COMMD10: variants seen among roughly 807,000 people sequenced by gnomAD.
The protein encoded by COMMD10 is COMM domain-containing protein 10.
COMMD10 carries 33 observed loss-of-function variants against 28.9 expected under a neutral mutation model. That is an observed-to-expected ratio of 1.14 (90% CI 0.87 to 1.53). The LOEUF is 1.53. Ranked by LOEUF, COMMD10 falls within the 40% of genes most tolerant of loss-of-function variation. The pLI is 0.00. For missense variants in COMMD10, 310 were observed against 233.4 expected, an observed-to-expected ratio of 1.33 and a Z score of -2.14; for synonymous variants, 110 against 81.7, an observed-to-expected ratio of 1.35 and a Z score of -1.87.
At chr5:116,211,747 T>C (rs190965627) in intron 5 of COMMD10, among the ~76,000 whole-genome samples, 15 of 152,228 alleles carry the variant, frequency 9.9e-5, no homozygotes, top group Admixed American at 8.5e-4. Flanking sequence ...AAATGTCTAT[T>C]TGCAGCTACA....
At chr5:116,277,034 T>A (rs1750935367) in intron 5 of COMMD10, among the ~76,000 whole-genome samples, 1 of 151,846 alleles carries the variant, frequency 6.6e-6, no homozygotes, top group African/African-American at 2.4e-5. Context: ...GTGTGGGACA[T>A]GAATATTTCC....
At chr5:116,150,300 A>G (rs1196562242) in intron 5 of COMMD10, among the ~76,000 whole-genome samples, 1 of 152,162 alleles carries the variant, frequency 6.6e-6, no homozygotes, top group Admixed American at 6.5e-5. Context: ...TGATGCCTCC[A>G]GCTTTTTTCT....
chr5:116,257,227 A>G (rs1750313002), intron 5 of COMMD10, among the ~76,000 whole-genome samples: 1 of 151,566 alleles, frequency 6.6e-6, no homozygotes, highest in African/African-American at 2.4e-5. Flanking sequence ...TTCTACTTGT[A>G]GTGTCATGTC....
At chr5:116,139,822 A>G (rs112786616) in intron 5 of COMMD10, among the ~76,000 whole-genome samples, 135 of 151,888 alleles carry the variant, frequency 8.9e-4, no homozygotes, top group African/African-American at 3.1e-3. Flanking sequence ...TATACATAGT[A>G]AAATGATTGC....
intron 5 of COMMD10, among the ~76,000 whole-genome samples, chr5:116,260,955 A>G (rs1401176336): frequency 1.3e-5 from 2 of 151,786 alleles, no homozygotes; most frequent in Non-Finnish European, 2.9e-5. Flanking sequence ...AATGTTGAAA[A>G]TTACTAACAG....
At chr5:116,243,263 GC>G (rs1038966833) in intron 5 of COMMD10, among the ~76,000 whole-genome samples, 2 of 152,114 alleles carry the variant, frequency 1.3e-5, no homozygotes, top group Non-Finnish European at 2.9e-5. Flanking sequence ...TTACAAGAAA[GC>G]CAAGATCAGA....
chr5:116,215,625 T>G (rs1749073252), intron 5 of COMMD10, among the ~76,000 whole-genome samples: 1 of 149,840 alleles, frequency 6.7e-6, no homozygotes, highest in Non-Finnish European at 1.5e-5. Context: ...AGGCGGAGGT[T>G]GCAGTGAGCT....
chr5:116,092,607 A>G lies in COMMD10; in HGVS notation c.306A>G (p.Arg102=). The change falls in exon 4 of 7, where the codon AGA becomes AGG. Residue 102 remains arginine, a synonymous_variant. Transcript: ENST00000274458. ...AGCAATTAGAGAACATTCATCTTAGACAAGACAAAGCTGAAGCATTTGTCA... is the reference window on the plus strand; with the variant it reads ...AGCAATTAGAGAACATTCATCTTAGGCAAGACAAAGCTGAAGCATTTGTCA... The part of the protein sequence containing the change: ...LQQQLENIHL[R]QDKAEAFVNT... The G allele has an allele frequency of 1.2e-6, 2 of 1,612,348 alleles. No individual in the cohort carries two copies. The highest frequency in any genetic ancestry group is 1.7e-6 in the Non-Finnish European group (2 of 1,179,014).
chr5:116,263,331 A>G (rs1342139400), intron 5 of COMMD10, among the ~76,000 whole-genome samples: 3 of 151,722 alleles, frequency 2.0e-5, no homozygotes, highest in South Asian at 2.1e-4. Flanking sequence ...ATTTGACCCT[A>G]TGTATCATGA....
Position 116,257,823 on chromosome 5 carries a change from A to G in COMMD10, c.511-33694A>G, listed in dbSNP as rs191488849. On this transcript the variant is annotated intron_variant, in intron 5 of 6. Transcript: ENST00000274458. ...GATTCTTATATGTGGACCACTTTGT[A>G]TAATGTGCCTACAAGGTAAAGATTT... is the stretch of plus-strand genomic sequence containing the variant. Among the ~76,000 whole-genome samples, 77 of 151,946 alleles carry G rather than the reference A, an allele frequency of 5.1e-4. 2 individuals are homozygous for G. The highest frequency in any genetic ancestry group is 1.8e-3 in the African/African-American group (73 of 41,352).
At chr5:116,211,798 A>G (rs1202084651) in intron 5 of COMMD10, among the ~76,000 whole-genome samples, 1 of 152,066 alleles carries the variant, frequency 6.6e-6, no homozygotes, top group Non-Finnish European at 1.5e-5. Flanking sequence ...ACACTCTCTC[A>G]CAGAGGCAGT....
chr5:116,255,102 C>G (rs888295134), intron 5 of COMMD10, among the ~76,000 whole-genome samples: 5 of 151,706 alleles, frequency 3.3e-5, no homozygotes, highest in African/African-American at 1.2e-4. Context: ...TCTGTTTTAT[C>G]CAAGACTAGG....
chr5:116,284,811 A>C (rs1751175501), intron 5 of COMMD10, among the ~76,000 whole-genome samples: 1 of 151,932 alleles, frequency 6.6e-6, no homozygotes, highest in African/African-American at 2.4e-5. Flanking sequence ...GAAGTATATA[A>C]AATTAAGGAC....
At chr5:116,101,732 CT>C (rs1750672795) in intron 4 of COMMD10, among the ~76,000 whole-genome samples, 1 of 152,152 alleles carries the variant, frequency 6.6e-6, no homozygotes, top group Admixed American at 6.5e-5. Context: ...ACTTTCTTCA[CT>C]TTTTAATAGC....
chr5:116,201,268 G>C (rs1279753547), intron 5 of COMMD10, among the ~76,000 whole-genome samples: 2 of 152,166 alleles, frequency 1.3e-5, no homozygotes, highest in Non-Finnish European at 2.9e-5. Context: ...AAAATGGCGT[G>C]TCCTTTCCTT....
At chr5:116,249,165 T>C (rs528859269) in intron 5 of COMMD10, among the ~76,000 whole-genome samples, 40 of 152,132 alleles carry the variant, frequency 2.6e-4, no homozygotes, top group African/African-American at 9.4e-4. Context: ...TTGGGACTGC[T>C]ATGGTTGGGG....
chr5:116,184,783 C>T (rs992514648), intron 5 of COMMD10, among the ~76,000 whole-genome samples: 3 of 151,782 alleles, frequency 2.0e-5, no homozygotes, highest in Admixed American at 6.6e-5. Flanking sequence ...GGGCTTTTAG[C>T]CAGAAGATTT....
At chr5:116,114,280 T>C (rs1751157540) in intron 4 of COMMD10, among the ~76,000 whole-genome samples, 1 of 151,816 alleles carries the variant, frequency 6.6e-6, no homozygotes, top group African/African-American at 2.4e-5. Flanking sequence ...TGGATACCAG[T>C]TGTGGTAGCA....
intron 5 of COMMD10, among the ~76,000 whole-genome samples, chr5:116,227,863 G>A (rs910836561): frequency 1.3e-5 from 2 of 152,038 alleles, no homozygotes; most frequent in African/African-American, 4.8e-5. Context: ...ATACCAGTGG[G>A]AACCAGACAT....
Sources: gnomAD v4.1 joint callset for allele counts (sites outside exome capture counted in the v4.1 genomes callset) on GRCh38, gnomAD v4.1.1 for gene constraint, MANE v1.5 for transcripts, NCBI Gene and HGNC (gene_info 2026-07-23, HGNC 2026-07-21) for gene names.